AMN1: variants seen among roughly 807,000 people sequenced by gnomAD.
AMN1 encodes the protein antagonist of mitotic exit network 1 homolog, also known as protein AMN1 homolog.
A neutral mutation model predicts 33.0 loss-of-function variants in AMN1; 20 were observed. That is an observed-to-expected ratio of 0.61 (90% CI 0.43 to 0.88). AMN1 has a LOEUF of 0.88. Ranked by LOEUF, AMN1 falls within the 40% of genes least tolerant of loss-of-function variation. AMN1 has a pLI of 0.00. For synonymous variants in AMN1, 114 were observed against 111.9 expected, an observed-to-expected ratio of 1.02 and a Z score of -0.12; for missense variants, 246 against 307.4, an observed-to-expected ratio of 0.80 and a Z score of 1.49.
At chr12:31,713,237 A>G (rs1939537959) in intron 1 of AMN1, among the ~76,000 whole-genome samples, 1 of 152,142 alleles carries the variant, frequency 6.6e-6, no homozygotes, top group African/African-American at 2.4e-5. Flanking sequence ...TGTATGTATA[A>G]GTATCTCTCT....
chr12:31,688,840 T>G (rs1938381047), intron 6 of AMN1, among the ~76,000 whole-genome samples, 167 bp downstream of exon 6: 1 of 151,900 alleles, frequency 6.6e-6, no homozygotes, highest in African/African-American at 2.4e-5. Context: ...TAAAATAAAA[T>G]AAAGAATTGT....
At chr12:31,712,404 C>T (rs11051542) in intron 1 of AMN1, among the ~76,000 whole-genome samples, 52,305 of 151,752 alleles carry the variant, frequency 0.34, 9,294 homozygotes, top group South Asian at 0.44. Context: ...CATGCCACCA[C>T]GCCCGGCTAA....
intron 6 of AMN1, among the ~76,000 whole-genome samples, chr12:31,680,895 C>G (rs770079259): frequency 1.2e-4 from 18 of 152,036 alleles, no homozygotes; most frequent in African/African-American, 2.4e-5. Context: ...AGAAGAAAGG[C>G]CTTCCATGTA....
chr12:31,676,280 T>C (rs1937691402), intron 6 of AMN1, among the ~76,000 whole-genome samples: 1 of 151,538 alleles, frequency 6.6e-6, no homozygotes, highest in East Asian at 2.0e-4. Flanking sequence ...GAAATTCATA[T>C]CAAAATACAA....
At chr12:31,696,651 G>T (rs1938738818) in intron 5 of AMN1, among the ~76,000 whole-genome samples, 1 of 152,116 alleles carries the variant, frequency 6.6e-6, no homozygotes, top group Admixed American at 6.5e-5. Context: ...TTTAGGCCGG[G>T]TGCAGTGGCT....
At chr12:31,692,108 C>T (rs1454321496) in intron 5 of AMN1, among the ~76,000 whole-genome samples, 2 of 151,596 alleles carry the variant, frequency 1.3e-5, no homozygotes, top group African/African-American at 4.8e-5. Context: ...AAACTCTGAC[C>T]TCAAGTGATC....
chr12:31,682,822 A>G (rs1471682771), intron 6 of AMN1, among the ~76,000 whole-genome samples: 1 of 152,214 alleles, frequency 6.6e-6, no homozygotes, highest in African/African-American at 2.4e-5. Context: ...CACCTAGTCC[A>G]GCATTTACCA....
At position 31,709,275 on chromosome 12, in the gene AMN1, A is replaced by G. The variant is rs756134843; in HGVS notation, c.171+18T>C. On this transcript the variant is annotated intron_variant, in intron 2 of 6. Coordinates refer to ENST00000281471, the MANE Select transcript of AMN1 (RefSeq NM_001113402.2). ...AGAAAATATAATATGCTTGCTTTAC[A>G]GTTATTCATACTCTTACCTCACTTA... 6.2e-7 allele frequency: 1 copy of G among 1,611,174 alleles called. No individual in the cohort carries two copies.
chr12:31,719,279 G>A (rs1939795352), intron 1 of AMN1: 2 of 799,498 alleles, frequency 2.5e-6, no homozygotes, highest in Admixed American at 6.2e-5. Flanking sequence ...GCTGCAGACT[G>A]GAGCTGTTCC....
At chr12:31,707,212 C>T (rs1291421989) in intron 2 of AMN1, among the ~76,000 whole-genome samples, 1 of 151,846 alleles carries the variant, frequency 6.6e-6, no homozygotes, top group African/African-American at 2.4e-5. Flanking sequence ...TAGAAAAGAC[C>T]AAAATGTACT....
At position 31,725,408 on chromosome 12, in the gene AMN1, C is replaced by T. The variant is rs544581422; in HGVS notation, c.38+3563G>A. ...AAAAGCTGTAAAACAATTGGGGAGA[C>T]GGGTGGATATCCCAACCAATAATAG... On this transcript the variant is annotated intron_variant, in intron 1 of 6. Coordinates refer to ENST00000281471, the MANE Select transcript of AMN1 (RefSeq NM_001113402.2). 5.9e-5 allele frequency among the ~76,000 whole-genome samples: 9 copies of T among 152,248 alleles called. No homozygotes were observed. In the East Asian group the frequency reaches 1.7e-3, roughly 29 times the overall value.
At chr12:31,714,791 T>A in intron 1 of AMN1, 1 of 379,242 alleles carries the variant, frequency 2.6e-6, no homozygotes, top group Non-Finnish European at 3.6e-6. Flanking sequence ...AAGCAGAGAC[T>A]TTGCAGTAAT....
intron 1 of AMN1, among the ~76,000 whole-genome samples, chr12:31,717,418 T>C (rs763266837): frequency 6.6e-6 from 1 of 152,238 alleles, no homozygotes; most frequent in Non-Finnish European, 1.5e-5. Flanking sequence ...ATGTGTGCAA[T>C]AAGCAAACAT....
At position 31,672,035 on chromosome 12, in the gene AMN1, C is replaced by T. The variant is rs1441099622; in HGVS notation, c.*269G>A. ...TTATTTAAGAAACAGAATCCAACAC[C>T]ATAGATCAGAGTTCATGCTAGGATT... On this transcript the variant is annotated 3_prime_UTR_variant, in exon 7 of 7. Coordinates refer to ENST00000281471, the MANE Select transcript of AMN1 (RefSeq NM_001113402.2). The T allele has an allele frequency of 3.1e-6, 1 of 317,858 alleles. No individual in the cohort carries two copies. The highest frequency in any genetic ancestry group is 5.8e-6 in the Non-Finnish European group (1 of 173,012). 19.7% of individuals were successfully genotyped at this position (317,858 alleles called of 1,614,324 possible). A position where few individuals can be genotyped will look rare whatever the true frequency, so the allele number is the denominator to read the frequency against.
intron 1 of AMN1, chr12:31,714,804 G>T: frequency 2.0e-6 from 1 of 492,990 alleles, no homozygotes; most frequent in Non-Finnish European, 2.6e-6. Context: ...GCAGTAATGT[G>T]TATGCTGGTT....
At chr12:31,727,357 T>C (rs977775854) in intron 1 of AMN1, among the ~76,000 whole-genome samples, 3 of 152,222 alleles carry the variant, frequency 2.0e-5, no homozygotes, top group African/African-American at 7.2e-5. Flanking sequence ...CTGCTCACAG[T>C]ACAGTTCTAA....
intron 5 of AMN1, among the ~76,000 whole-genome samples, chr12:31,692,943 A>C (rs777146616): frequency 6.6e-6 from 1 of 152,216 alleles, no homozygotes; most frequent in Non-Finnish European, 1.5e-5. Context: ...AATTGTATTA[A>C]AAGCTGAGGA....
At chr12:31,729,094 G>C (rs114266500), upstream of AMN1, 1,513 of 1,402,176 alleles carry the variant, frequency 1.1e-3, 14 homozygotes, top group African/African-American at 0.02. Flanking sequence ...CCCACCGCGC[G>C]ACGCGTAGGT....
At chr12:31,726,184 G>A (rs1430724423) in intron 1 of AMN1, among the ~76,000 whole-genome samples, 6 of 143,188 alleles carry the variant, frequency 4.2e-5, no homozygotes, top group African/African-American at 1.0e-4. Context: ...TTGGGGGGAC[G>A]GAGTTTCGCT....
Sources: gnomAD v4.1 joint callset for allele counts (sites outside exome capture counted in the v4.1 genomes callset) on GRCh38, gnomAD v4.1.1 for gene constraint, MANE v1.5 for transcripts, NCBI Gene and HGNC (gene_info 2026-07-23, HGNC 2026-07-21) for gene names.